NCOR2: variants seen among roughly 807,000 people sequenced by gnomAD.
The protein encoded by NCOR2 is nuclear receptor corepressor 2, also known as CTG repeat protein 26.
A neutral mutation model predicts 262.9 loss-of-function variants in NCOR2; 81 were observed. That is an observed-to-expected ratio of 0.31 (90% CI 0.26 to 0.37). NCOR2 has a LOEUF of 0.37. NCOR2 is among the 10% of genes least tolerant of loss of function. NCOR2 has a pLI of 1.00. For synonymous variants in NCOR2, 1,659 were observed against 1,559.3 expected, an observed-to-expected ratio of 1.06 and a Z score of -1.51; for missense variants, 3,385 against 3,621.4, an observed-to-expected ratio of 0.93 and a Z score of 1.68.
intron 1 of NCOR2, among the ~76,000 whole-genome samples, chr12:124,489,800 G>A (rs1452128242): frequency 6.6e-6 from 1 of 152,176 alleles, no homozygotes; most frequent in African/African-American, 2.4e-5. Context: ...GGGTGGGGAG[G>A]AGTGGCTGGG....
intron 1 of NCOR2, among the ~76,000 whole-genome samples, chr12:124,527,052 T>A (rs1000340832): frequency 6.6e-6 from 1 of 152,238 alleles, no homozygotes; most frequent in African/African-American, 2.4e-5. Flanking sequence ...AAACATGATT[T>A]TATTTTACAG....
At chr12:124,480,270 G>C (rs2136768499) in intron 3 of NCOR2, among the ~76,000 whole-genome samples, 1 of 152,318 alleles carries the variant, frequency 6.6e-6, no homozygotes, top group South Asian at 2.1e-4. Flanking sequence ...GGGTGCCCCA[G>C]GGCTGTGCAG....
chr12:124,355,133 G>A, intron 24 of NCOR2, 194 bp from the exon 27 acceptor site: 1 of 618,358 alleles, frequency 1.6e-6, no homozygotes, highest in Non-Finnish European at 2.8e-6. Flanking sequence ...CATGCCCTCT[G>A]AGCCCCTTGC....
chr12:124,348,624 C>G, intron 28 of NCOR2: 1 of 431,808 alleles, frequency 2.3e-6, no homozygotes, highest in Non-Finnish European at 4.1e-6. Flanking sequence ...ACCACATGAG[C>G]ACGTGAGTCT....
At position 124,339,996 on chromosome 12, in the gene NCOR2, C is replaced by T; in HGVS notation, c.5687+10G>A. On this transcript the variant is annotated intron_variant, in intron 37 of 46. Coordinates refer to ENST00000405201, the Ensembl canonical transcript of NCOR2. ...CTGCCCGCCCCCTCCCCCATGCCAA[C>T]CTGGCCCACCTCAGGACCGTGGGCG... 1 of 1,584,398 alleles carries T rather than the reference C, an allele frequency of 6.3e-7. No individual in the cohort carries two copies. The highest frequency in any genetic ancestry group is 8.6e-7 in the Non-Finnish European group (1 of 1,163,174).
At chr12:124,409,562 C>T (rs2042452884) in intron 13 of NCOR2, among the ~76,000 whole-genome samples, 1 of 152,248 alleles carries the variant, frequency 6.6e-6, no homozygotes, top group East Asian at 1.9e-4. Flanking sequence ...TGCTGATTGA[C>T]TTACGCATGG....
At position 124,356,819 on chromosome 12, in the gene NCOR2, G is replaced by A. The variant is rs1184873624; in HGVS notation, c.3101-37C>T. The A allele has an allele frequency of 1.6e-5, 23 of 1,439,088 alleles. No individual in the cohort carries two copies. In the African/African-American group the frequency reaches 2.4e-4, roughly 15 times the overall value. 89.1% of individuals were successfully genotyped at this position (1,439,088 alleles called of 1,614,324 possible). Reference sequence around the variant, plus strand: ...ACAGGCTTCTCTGCTGAGGGCAGGAGGTGGGGCAGTCAGACCTCGGGAGCC... The same window carrying A: ...ACAGGCTTCTCTGCTGAGGGCAGGAAGTGGGGCAGTCAGACCTCGGGAGCC... On this transcript the variant is annotated intron_variant, in intron 22 of 46. Coordinates refer to ENST00000405201, the Ensembl canonical transcript of NCOR2.
At chr12:124,445,850 A>C (rs80229345) in intron 7 of NCOR2, among the ~76,000 whole-genome samples, 2,803 of 152,330 alleles carry the variant, frequency 0.018, 89 homozygotes, top group African/African-American at 0.064. Context: ...TGTAGACAAA[A>C]GAAAGAAGAA....
intron 4 of NCOR2, among the ~76,000 whole-genome samples, chr12:124,467,931 C>CA: frequency 1.8e-4 from 1 of 5,580 alleles, no homozygotes; most frequent in Non-Finnish European, 3.5e-4. Context: ...CCTTATCACC[C>CA]CCCTCATCCT....
rs770056951 is a variant in NCOR2, at chr12:124,527,969, G to C, written c.-118+7596C>G. Among the ~76,000 whole-genome samples the C allele has an allele frequency of 3.3e-5, 5 of 152,224 alleles. No homozygotes were observed. The South Asian group carries it at 1.0e-3, about 31-fold the overall frequency. On this transcript the variant is annotated intron_variant, in intron 1 of 46. Coordinates refer to the NCOR2 transcript ENST00000404621. ...GCGTGTGCTGTGGCCCCATCTGTGCGGGGCACCATGTTTGTCATCTACCCT... is the reference window on the plus strand; with the variant it reads ...GCGTGTGCTGTGGCCCCATCTGTGCCGGGCACCATGTTTGTCATCTACCCT...
At chr12:124,546,681 G>A (rs2051554759) in intron 1 of NCOR2, among the ~76,000 whole-genome samples, 1 of 152,134 alleles carries the variant, frequency 6.6e-6, no homozygotes, top group Non-Finnish European at 1.5e-5. Context: ...TCAAAGTGCT[G>A]GGGTTACAGG....
In NCOR2 at chr12:124,344,962, G is replaced by C; in HGVS notation, c.4360-11C>G. 2 of 1,525,860 alleles carry C rather than the reference G, an allele frequency of 1.3e-6. No individual in the cohort carries two copies. The highest frequency in any genetic ancestry group is 1.8e-6 in the Non-Finnish European group (2 of 1,133,398). The allele number at this position is 1,525,860 out of a possible 1,614,324, so 94.5% of individuals were successfully genotyped here. A position where few individuals can be genotyped will look rare whatever the true frequency, so the allele number is the denominator to read the frequency against. On this transcript the variant is annotated splice_polypyrimidine_tract_variant and intron_variant, in intron 31 of 46. Transcript: ENST00000405201. ...CTTGAGCGGGGTGCCCTGGGGCAGA[G>C]GGGATGTAAGCTCTAGCCCTGGCCA...
intron 16 of NCOR2, among the ~76,000 whole-genome samples, chr12:124,391,860 A>C (rs937188951): frequency 6.6e-6 from 1 of 152,224 alleles, no homozygotes; most frequent in East Asian, 1.9e-4. Flanking sequence ...CATTTCCGGA[A>C]GTGCCACGTT....
At chr12:124,396,085 C>T (rs1371038771) in intron 16 of NCOR2, among the ~76,000 whole-genome samples, 2 of 152,172 alleles carry the variant, frequency 1.3e-5, no homozygotes, top group Non-Finnish European at 2.9e-5. Flanking sequence ...CAAAAGGCCA[C>T]AAACTGTAGG....
At position 124,457,243 on chromosome 12, in the gene NCOR2, CG is replaced by C. The variant is rs573518628; in HGVS notation, c.706-82del. On this transcript the variant is annotated intron_variant, in intron 5 of 46. Coordinates refer to ENST00000405201, the Ensembl canonical transcript of NCOR2. The surrounding 1 kb of genome is among the most constrained non-coding windows in gnomAD (Gnocchi z 4.0). Reference sequence around the variant, plus strand: ...TATAAATAGAGGCTTCCCGGAGCAGCGGGCACCTGCCCAGCCCAGTCCAGCA... The same window carrying C: ...TATAAATAGAGGCTTCCCGGAGCAGCGGCACCTGCCCAGCCCAGTCCAGCA... 259 of 1,412,592 alleles carry C rather than the reference CG, an allele frequency of 1.8e-4. 2 individuals are homozygous for C. In the Admixed American group the frequency reaches 2.4e-3, roughly 13 times the overall value. 87.5% of individuals were successfully genotyped at this position (1,412,592 alleles called of 1,614,324 possible). A position where few individuals can be genotyped will look rare whatever the true frequency, so the allele number is the denominator to read the frequency against.
chr12:124,530,329 A>C (rs1593998353), intron 1 of NCOR2: 1 of 151,308 alleles, frequency 6.6e-6, no homozygotes, highest in South Asian at 2.1e-4. Context: ...GTGCCAAGGG[A>C]CTGGTGGGGA....
chr12:124,487,621 C>T (rs2047841314), intron 1 of NCOR2, among the ~76,000 whole-genome samples: 1 of 152,260 alleles, frequency 6.6e-6, no homozygotes, highest in Non-Finnish European at 1.5e-5. Context: ...CTCCCTCCGC[C>T]CTGCGGCTAG....
intron 1 of NCOR2, among the ~76,000 whole-genome samples, chr12:124,547,655 T>TA (rs1329284668): frequency 6.6e-6 from 1 of 152,080 alleles, no homozygotes; most frequent in East Asian, 1.9e-4. Flanking sequence ...CAACATGGAG[T>TA]AGGTTCTCCC....
intron 25 of NCOR2, 25 bp downstream of exon 27, chr12:124,354,812 C>T: frequency 6.2e-7 from 1 of 1,606,720 alleles, no homozygotes; most frequent in Non-Finnish European, 8.5e-7. Flanking sequence ...CTGAGCCACC[C>T]AGACGGATGG....
Sources: gnomAD v4.1 joint callset for allele counts (sites outside exome capture counted in the v4.1 genomes callset) on GRCh38, gnomAD v4.1.1 for gene constraint, Gnocchi (gnomAD v3.1) non-coding constraint, MANE v1.5 for transcripts, NCBI Gene and HGNC (gene_info 2026-07-23, HGNC 2026-07-21) for gene names.